The following TDP1 variants were observed in gnomAD, a reference collection of about 807,000 sequenced individuals.
The protein encoded by TDP1 is tyrosyl-DNA phosphodiesterase 1, also known as tyr-DNA phosphodiesterase 1.
TDP1 carries 64 observed loss-of-function variants against 81.5 expected under a neutral mutation model. That is an observed-to-expected ratio of 0.79 (90% CI 0.64 to 0.97). The LOEUF (loss-of-function observed/expected upper bound fraction) is 0.97. TDP1 is among the 50% of genes least tolerant of loss of function. The pLI, the probability that TDP1 is intolerant of heterozygous loss-of-function variation, is 0.00. For missense variants in TDP1, 723 were observed against 743.8 expected (o/e 0.97, Z 0.33); for synonymous variants, 256 against 264.3 (o/e 0.97, Z 0.30).
intron 15 of TDP1, chr14:90,022,970 G>T: frequency 1.4e-6 from 1 of 736,860 alleles, no homozygotes; most frequent in East Asian, 2.5e-5. Flanking sequence ...CCAGTGGCCT[G>T]GGACTACCCA....
At chr14:90,022,785 G>A (rs1473847756) in intron 15 of TDP1, 1 of 985,068 alleles carries the variant, frequency 1.0e-6, no homozygotes, top group Non-Finnish European at 1.2e-6. Flanking sequence ...AATTAACATT[G>A]ATGGTTTTGA....
intron 3 of TDP1, chr14:89,964,868 A>G (rs1258457936): frequency 2.2e-6 from 1 of 448,876 alleles, no homozygotes; most frequent in African/African-American, 2.0e-5. Flanking sequence ...TTATGAGTAG[A>G]TGTTACAATC....
At chr14:89,968,109 A>G (rs1221814205) in intron 5 of TDP1, among the ~76,000 whole-genome samples, 1 of 151,734 alleles carries the variant, frequency 6.6e-6, no homozygotes, top group Non-Finnish European at 1.5e-5. Context: ...TTTGACATTA[A>G]CAGTAGATAA....
At chr14:89,975,944 T>TG in intron 7 of TDP1, 129 bp downstream of exon 7, 1 of 779,114 alleles carries the variant, frequency 1.3e-6, no homozygotes. Flanking sequence ...TAACTGAGCC[T>TG]GGGGGAGCTA....
At chr14:90,036,053 C>T (rs933187092) in intron 16 of TDP1, among the ~76,000 whole-genome samples, 34 of 152,094 alleles carry the variant, frequency 2.2e-4, no homozygotes, top group Non-Finnish European at 1.5e-4. Context: ...TTTATTTGGC[C>T]AGCAAGCAGA....
intron 14 of TDP1, among the ~76,000 whole-genome samples, chr14:90,014,565 C>T (rs904875427): frequency 7.2e-5 from 11 of 152,170 alleles, no homozygotes; most frequent in African/African-American, 2.7e-4. Context: ...TGTCTGTCCC[C>T]TCATCCCTGG....
intron 16 of TDP1, among the ~76,000 whole-genome samples, chr14:90,036,160 T>C (rs1185130036): frequency 2.0e-5 from 3 of 152,112 alleles, no homozygotes; most frequent in Non-Finnish European, 4.4e-5. Context: ...AAAATAATAA[T>C]AATAAATTTT....
chr14:89,963,486 C>A lies in TDP1; in HGVS notation c.372C>A (p.Ala124=). 6.2e-7 allele frequency: 1 copy of A among 1,605,670 alleles called. No homozygotes were observed. Among genetic ancestry groups the A allele is most frequent in the Non-Finnish European group, 8.5e-7 (1 of 1,175,644 alleles). ...TCTCTGCTCCCAATGACGGCACTGC[C>A]CAAAGAACTGAAAATCATGGCGCTC... The part of the protein sequence containing the change: ...KDISAPNDGT[A]QRTENHGAPA... The change falls in exon 3 of 17, where the codon GCC becomes GCA. Residue 124 remains alanine (A), a synonymous_variant. Coordinates refer to ENST00000335725, the MANE Select transcript of TDP1 (RefSeq NM_018319.4).
chr14:90,027,950 G>A (rs1219559727), intron 15 of TDP1, among the ~76,000 whole-genome samples: 1 of 152,212 alleles, frequency 6.6e-6, no homozygotes, highest in Non-Finnish European at 1.5e-5. Flanking sequence ...GAAAGCAGGG[G>A]CTGATACTCC....
At chr14:89,955,258 T>G (rs940889830), upstream of TDP1, 1 of 152,314 alleles carries the variant, frequency 6.6e-6, no homozygotes, top group African/African-American at 2.4e-5. Context: ...AAGTAGATCT[T>G]CAATGAAAGA....
chr14:90,001,158 T>A (rs1432861658), intron 14 of TDP1, among the ~76,000 whole-genome samples: 7 of 152,240 alleles, frequency 4.6e-5, no homozygotes, highest in Admixed American at 4.6e-4. Flanking sequence ...TTTCATCCAG[T>A]TGACATTTCA....
At chr14:89,978,502 C>T (rs906144552) in intron 7 of TDP1, among the ~76,000 whole-genome samples, 3 of 152,220 alleles carry the variant, frequency 2.0e-5, no homozygotes, top group African/African-American at 7.2e-5. Flanking sequence ...TTTGCTGCCT[C>T]ACAGCTTAGC....
intron 16 of TDP1, among the ~76,000 whole-genome samples, chr14:90,036,168 T>G (rs923296210): frequency 6.6e-6 from 1 of 152,104 alleles, no homozygotes; most frequent in Admixed American, 6.5e-5. Context: ...AATAATAAAT[T>G]TTTTAAAAAA....
At chr14:89,986,139 A>G (rs939080072) in intron 10 of TDP1, among the ~76,000 whole-genome samples, 11 of 152,244 alleles carry the variant, frequency 7.2e-5, no homozygotes, top group Non-Finnish European at 1.0e-4. Flanking sequence ...TTTTATTTTA[A>G]TTTCCTTTTA....
intron 14 of TDP1, 155 bp from the exon 15 acceptor site, chr14:90,019,161 A>G: frequency 1.1e-6 from 1 of 906,520 alleles, no homozygotes; most frequent in Non-Finnish European, 1.3e-6. Flanking sequence ...CAGATTTTAA[A>G]TTCTCTTTTC....
At chr14:89,992,869 A>G in intron 13 of TDP1, 2 of 944,340 alleles carry the variant, frequency 2.1e-6, no homozygotes, top group Non-Finnish European at 2.5e-6. Flanking sequence ...TTAGAAACCA[A>G]ACTCAGATTT....
intron 14 of TDP1, among the ~76,000 whole-genome samples, chr14:90,015,327 G>A (rs868719570): frequency 2.6e-5 from 4 of 152,270 alleles, no homozygotes; most frequent in East Asian, 1.9e-4. Context: ...TTTGTCATAC[G>A]TTTTCAAGTT....
At chr14:89,983,352 G>GAGAAA (rs1895206590) in intron 8 of TDP1, 3 of 267,954 alleles carry the variant, frequency 1.1e-5, no homozygotes, top group Non-Finnish European at 1.5e-5. Flanking sequence ...CCTGTGCTAA[G>GAGAAA]TGTCTCCCCA....
chr14:90,004,031 T>G (rs1566897872), intron 14 of TDP1, among the ~76,000 whole-genome samples: 3 of 152,152 alleles, frequency 2.0e-5, no homozygotes, highest in Non-Finnish European at 4.4e-5. Flanking sequence ...TCTAAGATAT[T>G]GGGATTAGCT....
Sources: gnomAD v4.1 joint callset for allele counts (sites outside exome capture counted in the v4.1 genomes callset) on GRCh38, gnomAD v4.1.1 for gene constraint, MANE v1.5 for transcripts, NCBI Gene and HGNC (gene_info 2026-07-23, HGNC 2026-07-21) for gene names.